The following TMEM245 variants were observed in gnomAD, a reference collection of about 807,000 sequenced individuals.
The protein encoded by TMEM245 is transmembrane protein 245.
TMEM245 carries 69 observed loss-of-function variants against 101.2 expected under a neutral mutation model. That is an observed-to-expected ratio of 0.68 (90% confidence interval 0.56 to 0.83). The LOEUF (loss-of-function observed/expected upper bound fraction) is 0.83, where lower values mean the gene tolerates loss of function less well. TMEM245 is among the 40% of genes least tolerant of loss of function. The pLI, the probability that TMEM245 is intolerant of heterozygous loss-of-function variation, is 0.00. For synonymous variants in TMEM245, 537 were observed against 449.8 expected, an observed-to-expected ratio of 1.19 and a Z score of -2.45; for missense variants, 1,075 against 1,092.8, an observed-to-expected ratio of 0.98 and a Z score of 0.23.
At chr9:109,103,158 A>G (rs1411404927) in intron 3 of TMEM245, among the ~76,000 whole-genome samples, 1 of 152,252 alleles carries the variant, frequency 6.6e-6, no homozygotes, top group Non-Finnish European at 1.5e-5. Flanking sequence ...TTAGAAAGGA[A>G]GAAGTCAAAC....
chr9:109,098,720 A>G (rs1830205701), intron 3 of TMEM245, among the ~76,000 whole-genome samples: 1 of 152,200 alleles, frequency 6.6e-6, no homozygotes, highest in Admixed American at 6.5e-5. Flanking sequence ...CTTGGGACTC[A>G]AGGACTAAAG....
rs527634880 is a variant in TMEM245, at chr9:109,042,008, GT to G, written c.2124-3892del. Among the ~76,000 whole-genome samples the G allele has an allele frequency of 3.3e-4, 50 of 152,116 alleles. 2 individuals carry two copies. The South Asian group carries it at 8.1e-3, about 25-fold the overall frequency. On this transcript the variant is annotated intron_variant, in intron 14 of 17. Coordinates refer to ENST00000374586, the MANE Select transcript of TMEM245 (RefSeq NM_032012.4). ...TAGCCAGGCATAGTGCGTGCCATTA[GT>G]TATATGCCAGATAAAGTTTTATTTG...
intron 9 of TMEM245, among the ~76,000 whole-genome samples, chr9:109,068,450 T>C (rs921248792): frequency 5.3e-5 from 8 of 150,898 alleles, no homozygotes; most frequent in Non-Finnish European, 1.0e-4. Flanking sequence ...AAGACCAGCC[T>C]GGCCAACATG....
intron 9 of TMEM245, among the ~76,000 whole-genome samples, chr9:109,065,113 C>T (rs959701688): frequency 6.6e-6 from 1 of 152,110 alleles, no homozygotes; most frequent in Admixed American, 6.5e-5. Flanking sequence ...TTTAGACCCA[C>T]TTTCCCCACA....
intron 15 of TMEM245, among the ~76,000 whole-genome samples, chr9:109,036,879 T>G (rs1302354104): frequency 6.6e-6 from 1 of 152,160 alleles, no homozygotes; most frequent in Admixed American, 6.5e-5. Flanking sequence ...CTCTCCAAGT[T>G]AAGAGTAAAG....
chr9:109,022,233 G>T (rs1475018625), intron 17 of TMEM245, among the ~76,000 whole-genome samples: 1 of 152,150 alleles, frequency 6.6e-6, no homozygotes, highest in African/African-American at 2.4e-5. Flanking sequence ...TAAGCCTCTG[G>T]ATCTCTGAAG....
chr9:109,028,221 G>A (rs113609609), intron 17 of TMEM245, among the ~76,000 whole-genome samples: 9,704 of 151,682 alleles, frequency 0.064, 1,060 homozygotes, highest in African/African-American at 0.23. Context: ...AGGCTGAGGA[G>A]GGCAGATCAC....
chr9:109,032,585 A>G (rs1043909887), intron 17 of TMEM245, among the ~76,000 whole-genome samples: 46 of 149,110 alleles, frequency 3.1e-4, no homozygotes, highest in African/African-American at 1.1e-3. Context: ...ATGGGGTTTT[A>G]CCATGTTGGC....
chr9:109,024,977 T>G (rs1827752241), intron 17 of TMEM245, among the ~76,000 whole-genome samples: 1 of 152,178 alleles, frequency 6.6e-6, no homozygotes, highest in Non-Finnish European at 1.5e-5. Context: ...GAGGCCAGAC[T>G]GGAGGCAGGA....
intron 1 of TMEM245, among the ~76,000 whole-genome samples, chr9:109,114,007 C>T (rs1186759247): frequency 1.3e-5 from 2 of 152,122 alleles, no homozygotes; most frequent in Non-Finnish European, 2.9e-5. Context: ...ACCCGGGAGG[C>T]AGAGGTTGCG....
intron 11 of TMEM245, among the ~76,000 whole-genome samples, chr9:109,058,764 C>A (rs949445210): frequency 6.6e-6 from 1 of 152,138 alleles, no homozygotes; most frequent in Non-Finnish European, 1.5e-5. Context: ...CAGGCGCACA[C>A]CACCACACCC....
chr9:109,110,057 C>T (rs573746189), intron 1 of TMEM245, among the ~76,000 whole-genome samples: 59 of 152,166 alleles, frequency 3.9e-4, no homozygotes, highest in African/African-American at 1.4e-3. Flanking sequence ...CTTCAAGTAA[C>T]TCTATCAGAT....
chr9:109,118,584 A>T (rs1243101485), intron 1 of TMEM245, among the ~76,000 whole-genome samples: 1 of 152,226 alleles, frequency 6.6e-6, no homozygotes, highest in Non-Finnish European at 1.5e-5. Flanking sequence ...GCTCAGGTTA[A>T]TCCAAGCATC....
intron 3 of TMEM245, among the ~76,000 whole-genome samples, chr9:109,098,606 A>T (rs953459716): frequency 2.0e-5 from 3 of 152,174 alleles, no homozygotes; most frequent in African/African-American, 7.2e-5. Flanking sequence ...TAAACTGAAC[A>T]GAACAATGCC....
intron 4 of TMEM245, 41 bp downstream of exon 4, chr9:109,093,433 AT>A (rs1273360762): frequency 2.6e-6 from 4 of 1,541,858 alleles, no homozygotes; most frequent in Non-Finnish European, 3.6e-6. Context: ...TGTACATTTC[AT>A]TTTCCAGAAT....
intron 17 of TMEM245, among the ~76,000 whole-genome samples, chr9:109,030,980 C>T (rs1158208675): frequency 6.6e-6 from 1 of 152,190 alleles, no homozygotes; most frequent in Non-Finnish European, 1.5e-5. Flanking sequence ...TTGTCAGTGA[C>T]TCCTTGATTA....
chr9:109,106,691 C>A, intron 2 of TMEM245, 82 bp from the exon 3 acceptor site: 2 of 969,674 alleles, frequency 2.1e-6, no homozygotes, highest in Non-Finnish European at 3.0e-6. Flanking sequence ...TGTAGTTTGA[C>A]AGAACAATCT....
At chr9:109,043,727 G>C (rs112443375) in intron 14 of TMEM245, among the ~76,000 whole-genome samples, 99 of 152,236 alleles carry the variant, frequency 6.5e-4, no homozygotes, top group African/African-American at 2.2e-3. Flanking sequence ...TTTCTAACAA[G>C]GCCTATTCCC....
At position 109,119,501 on chromosome 9, in the gene TMEM245, A is replaced by G; in HGVS notation, c.413T>C (p.Leu138Pro). ...GCGGCGGCGCAGCGCCTGCTCGCCC[A>G]GGGCCTCGACGCCGTAGTCGACGAA... ...LCFVDYGVEA[L>P]GEQALRRRRL... The change falls in exon 1 of 18, where the codon CTG becomes CCG. Residue 138 changes from leucine (L) to proline (P), a missense_variant. Physicochemically the swap from Leu to Pro is moderately conservative, Grantham distance 98. This residue lies in a region of TMEM245 where 808 missense variants were observed against 741.5 expected (regional missense o/e 1.09). Transcript: ENST00000374586. The G allele has an allele frequency of 5.3e-6, 8 of 1,509,804 alleles. No individual in the cohort carries two copies. Among genetic ancestry groups the G allele is most frequent in the Non-Finnish European group, 7.0e-6 (8 of 1,135,856 alleles). The allele number at this position is 1,509,804 out of a possible 1,614,324, so 93.5% of individuals were successfully genotyped here.
Sources: gnomAD v4.1 joint callset for allele counts (sites outside exome capture counted in the v4.1 genomes callset) on GRCh38, gnomAD v4.1.1 for gene constraint, gnomAD v4.1.1 regional missense constraint, MANE v1.5 for transcripts, NCBI Gene and HGNC (gene_info 2026-07-23, HGNC 2026-07-21) for gene names.